Variants in NCOR1 observed in about 807,000 individuals in gnomAD.
The protein encoded by NCOR1 is nuclear receptor corepressor 1, also known as protein phosphatase 1, regulatory subunit 109.
Under a neutral mutation model 288.1 loss-of-function variants are expected in NCOR1, and 63 were observed. The ratio of observed to expected loss-of-function variants is 0.22; its 90% CI spans 0.18 to 0.27. The LOEUF is 0.27. Among genes scored for constraint, NCOR1 ranks in the 10% least tolerant of loss-of-function variants. The pLI, the probability that NCOR1 is intolerant of heterozygous loss-of-function variation, is 1.00. For synonymous variants in NCOR1, 1,007 were observed against 1,065.9 expected (o/e 0.94, Z 1.08); for missense variants, 2,397 against 3,019.2 (o/e 0.79, Z 4.83).
Position 16,040,445 on chromosome 17 carries a change from C to T in NCOR1, c.6729G>A (p.Thr2243=), listed in dbSNP as rs367942124. Residue 2243 remains threonine, a synonymous_variant, in exon 43 of 46, where the codon ACG becomes ACA. Coordinates refer to ENST00000268712, the MANE Select transcript of NCOR1 (RefSeq NM_006311.4). ...TEIFNLPAVT[T]SGSVSSRGHS... is the part of the protein sequence containing the mutation. ...ATAATGTCTTTTCAATCTTACCTGA[C>T]GTAGTAACTGCTGGCAGATTAAAGA... 1.6e-5 allele frequency: 26 copies of T among 1,613,368 alleles called. No individual in the cohort carries two copies. Among genetic ancestry groups the T allele is most frequent in the African/African-American group, 1.2e-4 (9 of 74,868 alleles).
chr17:16,093,360 A>G (rs753825117), intron 21 of NCOR1, among the ~76,000 whole-genome samples: 8 of 152,144 alleles, frequency 5.3e-5, no homozygotes, highest in Non-Finnish European at 1.2e-4. Flanking sequence ...GCCATCCATA[A>G]CCATCCAATA....
intron 14 of NCOR1, 52 bp downstream of exon 14, chr17:16,137,259 T>C: frequency 1.7e-6 from 2 of 1,206,942 alleles, no homozygotes; most frequent in Non-Finnish European, 2.4e-6. Flanking sequence ...ACTTTTTGCT[T>C]GCCTATTTCC....
At chr17:16,068,405 T>G in intron 31 of NCOR1, 1 of 328,020 alleles carries the variant, frequency 3.0e-6, no homozygotes, top group Non-Finnish European at 5.7e-6. Context: ...TCAATACTCT[T>G]CTTTAAATCT....
rs2153150928 is a variant in NCOR1 at position 16,121,105 on chromosome 17, G to A, written c.1799C>T (p.Ala600Val). 2 of 1,614,152 alleles carry A rather than the reference G, an allele frequency of 1.2e-6. No individual in the cohort carries two copies. Among genetic ancestry groups the A allele is most frequent in the Non-Finnish European group, 1.7e-6 (2 of 1,179,998 alleles). The change falls in exon 16 of 46, where the codon GCC becomes GTC. Residue 600 changes from alanine (A) to valine (V), a missense_variant. By Grantham distance (64) the Ala-to-Val change is moderately conservative. This residue lies in a region of NCOR1 where 113 missense variants were observed against 139.5 expected (regional missense o/e 0.81). Coordinates refer to ENST00000268712, the MANE Select transcript of NCOR1 (RefSeq NM_006311.4). The stretch of plus-strand genomic sequence containing the variant: ...TGGGGGCTCTTCAGTAGCCGCTGCG[G>A]CTGCAGCACTGGCAGCTGCAGCTTC... ...TNEAAAASAA[A>V]AAATEEPPPP...
At chr17:16,108,349 GT>G (rs374801639) in intron 19 of NCOR1, 294 of 211,442 alleles carry the variant, frequency 1.4e-3, no homozygotes, top group Middle Eastern at 3.3e-3. Context: ...TAAGTTTCGT[GT>G]TTTTTTTTTC....
intron 37 of NCOR1, among the ~76,000 whole-genome samples, chr17:16,059,020 T>A (rs975725978): frequency 4.4e-5 from 6 of 136,528 alleles, no homozygotes; most frequent in African/African-American, 1.2e-4. Flanking sequence ...TTGCACTCCA[T>A]TCTGGGCAAC....
chr17:16,193,830 T>C (rs178811), intron 2 of NCOR1, among the ~76,000 whole-genome samples: 76,673 of 151,052 alleles, frequency 0.51, 19,969 homozygotes, highest in Middle Eastern at 0.59. Context: ...AGGAGGACCC[T>C]GTAGTACATT....
intron 17 of NCOR1, among the ~76,000 whole-genome samples, chr17:16,118,285 T>C (rs2072152694): frequency 6.6e-6 from 1 of 152,170 alleles, no homozygotes; most frequent in African/African-American, 2.4e-5. Context: ...CCTATGTATC[T>C]CTCACAGGGC....
At chr17:16,182,359 C>T (rs1447334302) in intron 3 of NCOR1, among the ~76,000 whole-genome samples, 3 of 152,278 alleles carry the variant, frequency 2.0e-5, no homozygotes, top group South Asian at 2.1e-4. Context: ...CAATGATCTA[C>T]TACTACTAAT....
At chr17:16,182,416 A>ATT (rs2085666678) in intron 3 of NCOR1, among the ~76,000 whole-genome samples, 1 of 152,180 alleles carries the variant, frequency 6.6e-6, no homozygotes, top group South Asian at 2.1e-4. Flanking sequence ...TCAGGGCCTA[A>ATT]AATCACAGAA....
At chr17:16,111,334 G>A (rs1030894854) in intron 18 of NCOR1, among the ~76,000 whole-genome samples, 4 of 152,152 alleles carry the variant, frequency 2.6e-5, no homozygotes, top group African/African-American at 7.2e-5. Flanking sequence ...AGACCCAGTG[G>A]CTCAGACCTG....
At chr17:16,062,767 A>G (rs866448655) in intron 35 of NCOR1, among the ~76,000 whole-genome samples, 4 of 152,196 alleles carry the variant, frequency 2.6e-5, no homozygotes, top group African/African-American at 9.7e-5. Flanking sequence ...TGTCCCCTTC[A>G]CAGGTGACTC....
At chr17:16,180,327 GA>G (rs1299721143) in intron 3 of NCOR1, among the ~76,000 whole-genome samples, 1 of 152,160 alleles carries the variant, frequency 6.6e-6, no homozygotes, top group East Asian at 1.9e-4. Context: ...TTGTTGGTGG[GA>G]ATGTAGATTG....
intron 4 of NCOR1, among the ~76,000 whole-genome samples, chr17:16,171,095 C>CA (rs1176903306): frequency 4.7e-5 from 7 of 150,098 alleles, no homozygotes; most frequent in South Asian, 4.2e-4. Flanking sequence ...TTCTTACCAC[C>CA]AAAAAAAAAC....
intron 40 of NCOR1, among the ~76,000 whole-genome samples, chr17:16,054,088 A>C (rs1342878348): frequency 6.7e-6 from 1 of 150,058 alleles, no homozygotes; most frequent in Non-Finnish European, 1.5e-5. Flanking sequence ...AAAAAAAAAA[A>C]AAAAACTATA....
intron 1 of NCOR1, among the ~76,000 whole-genome samples, chr17:16,204,044 C>T (rs1487646118): frequency 5.3e-5 from 8 of 151,946 alleles, no homozygotes; most frequent in Non-Finnish European, 1.2e-4. Flanking sequence ...TAACTAACCC[C>T]ATCTGTATTA....
intron 15 of NCOR1, among the ~76,000 whole-genome samples, chr17:16,122,353 T>C (rs1464683408): frequency 1.3e-5 from 2 of 152,236 alleles, no homozygotes; most frequent in Non-Finnish European, 2.9e-5. Flanking sequence ...TAAATTGAAG[T>C]ACAACATAGT....
intron 27 of NCOR1, among the ~76,000 whole-genome samples, 200 bp downstream of exon 27, chr17:16,075,334 T>C: frequency 6.6e-6 from 1 of 152,226 alleles, no homozygotes; most frequent in East Asian, 1.9e-4. Flanking sequence ...GAGCTCTGCG[T>C]TGTTAATTAC....
At chr17:16,127,700 T>TATGTATGTGTATGTGTATATATAC (rs2074917412) in intron 14 of NCOR1, among the ~76,000 whole-genome samples, 4 of 134,218 alleles carry the variant, frequency 3.0e-5, no homozygotes, top group African/African-American at 1.1e-4. Flanking sequence ...TACATATATG[T>TATGTATGTGTATGTGTATATATAC]ATATATGTGT....
Sources: gnomAD v4.1 joint callset for allele counts (sites outside exome capture counted in the v4.1 genomes callset) on GRCh38, gnomAD v4.1.1 for gene constraint, gnomAD v4.1.1 regional missense constraint, MANE v1.5 for transcripts, NCBI Gene and HGNC (gene_info 2026-07-23, HGNC 2026-07-21) for gene names.